KDM1B: variants seen among roughly 807,000 people sequenced by gnomAD.
The protein encoded by KDM1B is lysine demethylase 1B.
Under a neutral mutation model 107.4 loss-of-function variants are expected in KDM1B, and 63 were observed. The ratio of observed to expected loss-of-function variants is 0.59; its 90% confidence interval spans 0.48 to 0.72. The LOEUF is 0.72. Ranked by LOEUF, KDM1B falls within the 30% of genes least tolerant of loss-of-function variation. The probability of loss-of-function intolerance (pLI) is 0.00; values close to 1 mark genes in which losing one functional copy is unlikely to be tolerated. For missense variants in KDM1B, 749 were observed against 1,020.8 expected (o/e 0.73, Z 3.63); for synonymous variants, 363 against 363.9 (o/e 1.00, Z 0.03).
rs1025937244 is a variant in KDM1B, at chr6:18,213,958, T to A, written c.2109+177T>A. 6.6e-6 allele frequency among the ~76,000 whole-genome samples: 1 copy of A among 152,140 alleles called. No individual in the cohort carries two copies. Among genetic ancestry groups the A allele is most frequent in the Admixed American group, 6.6e-5 (1 of 15,266 alleles). On this transcript the variant is annotated intron_variant, in intron 19 of 21. Coordinates refer to ENST00000650836, the MANE Select transcript of KDM1B (RefSeq NM_001364614.2). The surrounding 1 kb of genome is among the most constrained non-coding windows in gnomAD (Gnocchi z 5.9). ...TTTTCCTATAGGAAAGGAGCCCCAG[T>A]ATTTGCCATGTCTTCTTAAAGTCCT...
rs112315981 is a variant in KDM1B at position 18,204,838 on chromosome 6, G to A, written c.1532-699G>A. On this transcript the variant is annotated intron_variant, in intron 14 of 21. Coordinates refer to ENST00000650836, the MANE Select transcript of KDM1B (RefSeq NM_001364614.2). This position sits in a 1 kb window ranked among gnomAD's most constrained non-coding sequence, Gnocchi z 4.9. ...GCATTCCCATGAGGGAGAGTGGGAG[G>A]TCGCAGACCCTGCAGGGTAGGAATT... is the stretch of plus-strand genomic sequence containing the variant. Among the ~76,000 whole-genome samples, 39 of 152,322 alleles carry A rather than the reference G, an allele frequency of 2.6e-4. No homozygotes were observed. Among genetic ancestry groups the A allele is most frequent in the African/African-American group, 8.4e-4 (35 of 41,586 alleles).
intron 7 of KDM1B, among the ~76,000 whole-genome samples, chr6:18,179,754 T>G (rs1319214249): frequency 1.3e-5 from 2 of 150,854 alleles, no homozygotes; most frequent in Non-Finnish European, 2.9e-5. Flanking sequence ...GATTTGAGAG[T>G]GAGGGAGGGG....
intron 7 of KDM1B, among the ~76,000 whole-genome samples, chr6:18,180,299 C>T (rs896855442): frequency 6.6e-6 from 1 of 152,002 alleles, no homozygotes; most frequent in African/African-American, 2.4e-5. Context: ...GGAACAATAT[C>T]TTGGTTGCAC....
chr6:18,213,867 A>G lies in KDM1B; in HGVS notation c.2109+86A>G. 7.0e-7 allele frequency: 1 copy of G among 1,426,022 alleles called. No homozygotes were observed. Among genetic ancestry groups the G allele is most frequent in the Non-Finnish European group, 9.8e-7 (1 of 1,017,410 alleles). The allele number at this position is 1,426,022 out of a possible 1,614,324, so 88.3% of individuals were successfully genotyped here. On this transcript the variant is annotated intron_variant, in intron 19 of 21. Coordinates refer to ENST00000650836, the MANE Select transcript of KDM1B (RefSeq NM_001364614.2). The surrounding 1 kb of genome is among the most constrained non-coding windows in gnomAD (Gnocchi z 5.9). ...TAATTACTCACCTATCAAGCTCAGG[A>G]ACTAACGAACATCATGGAGACCCTG...
intron 6 of KDM1B, 131 bp from the exon 7 acceptor site, chr6:18,171,232 G>T (rs1225208221): frequency 2.9e-6 from 2 of 684,512 alleles, no homozygotes; most frequent in Non-Finnish European, 5.4e-6. Context: ...TATGGATGAT[G>T]GTAATGCAAG....
rs778724321 is a variant in KDM1B, at chr6:18,221,904, T to C, written c.2386-5T>C. 5 of 1,595,218 alleles carry C rather than the reference T, an allele frequency of 3.1e-6. No individual in the cohort carries two copies. The highest frequency in any genetic ancestry group is 3.5e-5 in the Admixed American group (2 of 57,358). On this transcript the variant is annotated splice_region_variant and splice_polypyrimidine_tract_variant and intron_variant, in intron 21 of 21. Transcript: ENST00000650836. ...GATCTCAAATTATGTAATTATGTTT[T>C]ACAGGCAACAAACAGGCATTTCCCA...
At chr6:18,218,585 T>G (rs1789425604) in intron 21 of KDM1B, among the ~76,000 whole-genome samples, 2 of 152,238 alleles carry the variant, frequency 1.3e-5, no homozygotes. Context: ...GTAAATGTCA[T>G]TTACTGCTGA....
chr6:18,209,145 A>G lies in KDM1B; in HGVS notation c.1866+939A>G, dbSNP rs1384260594. The stretch of plus-strand genomic sequence containing the variant: ...GCTTAAATTTTTTGTAAACAGCTTT[A>G]TAGTAGGTGAACAGTACAAGGTACT... On this transcript the variant is annotated intron_variant, in intron 17 of 21. Coordinates refer to ENST00000650836, the MANE Select transcript of KDM1B (RefSeq NM_001364614.2). This position sits in a 1 kb window ranked among gnomAD's most constrained non-coding sequence, Gnocchi z 4.3. Among the ~76,000 whole-genome samples, 1 of 152,170 alleles carries G rather than the reference A, an allele frequency of 6.6e-6. No individual in the cohort carries two copies. The highest frequency in any genetic ancestry group is 2.4e-5 in the African/African-American group (1 of 41,444).
intron 7 of KDM1B, among the ~76,000 whole-genome samples, chr6:18,175,841 A>G (rs1387488707): frequency 3.9e-5 from 6 of 152,262 alleles, no homozygotes; most frequent in Middle Eastern, 3.4e-3. Context: ...CTATTTTTAT[A>G]CCAGTACCAT....
At position 18,208,599 on chromosome 6, in the gene KDM1B, GTATGTATATA is replaced by G. The variant is rs1453388025; in HGVS notation, c.1866+397_1866+406del. Among the ~76,000 whole-genome samples, 2 of 40,692 alleles carry G rather than the reference GTATGTATATA, an allele frequency of 4.9e-5. 1 individual carries two copies. The highest frequency in any genetic ancestry group is 8.5e-5 in the Non-Finnish European group (2 of 23,536). 26.7% of individuals were successfully genotyped at this position (40,692 alleles called of 152,430 possible). A position where few individuals can be genotyped will look rare whatever the true frequency, so the allele number is the denominator to read the frequency against. The stretch of plus-strand genomic sequence containing the variant: ...TGTATAGGGTTAAATAGAAGTATGT[GTATGTATATA>G]TATATATATATATATATATTTTTTT... On this transcript the variant is annotated intron_variant, in intron 17 of 21. Transcript: ENST00000650836.
At chr6:18,192,783 T>TG (rs939599041) in intron 10 of KDM1B, among the ~76,000 whole-genome samples, 1 of 151,892 alleles carries the variant, frequency 6.6e-6, no homozygotes, top group African/African-American at 2.4e-5. Context: ...ATTCATTTTT[T>TG]TTTTTGGTCA....
intron 21 of KDM1B, among the ~76,000 whole-genome samples, chr6:18,221,091 C>T (rs532766817): frequency 1.3e-5 from 2 of 152,070 alleles, no homozygotes; most frequent in South Asian, 2.1e-4. Flanking sequence ...CCACTTTCTC[C>T]CCCCACTAGT....
rs1449242707 is a variant in KDM1B at position 18,171,442 on chromosome 6, C to T, written c.497C>T (p.Thr166Ile). ...CAGCTTACTCCACAGATAGCCAAGA[C>T]TTATCGATGCGGTATGAAACCAAAT... ...EIQLTPQIAK[T>I]YRCGMKPNTA... Residue 166 changes from threonine to isoleucine, a missense_variant, in exon 7 of 22, where the codon ACT becomes ATT. Physicochemically the swap from Thr to Ile is moderately conservative, Grantham distance 89 (BLOSUM62 -1). Transcript: ENST00000650836. 1 of 1,612,520 alleles carries T rather than the reference C, an allele frequency of 6.2e-7. No individual in the cohort carries two copies. The highest frequency in any genetic ancestry group is 1.7e-5 in the Admixed American group (1 of 60,016).
chr6:18,211,564 CAAG>C lies in KDM1B; in HGVS notation c.1867-920_1867-918del, dbSNP rs1392988521. 6.6e-6 allele frequency: 1 copy of C among 152,258 alleles called. No homozygotes were observed. The highest frequency in any genetic ancestry group is 1.5e-5 in the Non-Finnish European group (1 of 68,058). The allele number at this position is 152,258 out of a possible 1,614,324, so 9.4% of individuals were successfully genotyped here. ...CAGGGTTTAGTCAGTAACCACAAGT[CAAG>C]AAGGAGGCCGTAAGGCATGCATGTT... On this transcript the variant is annotated intron_variant, in intron 17 of 21. Coordinates refer to ENST00000650836, the MANE Select transcript of KDM1B (RefSeq NM_001364614.2). This position sits in a 1 kb window ranked among gnomAD's most constrained non-coding sequence, Gnocchi z 5.2.
Position 18,197,003 on chromosome 6 carries a change from T to A in KDM1B, c.970-54T>A. On this transcript the variant is annotated intron_variant, in intron 10 of 21. Transcript: ENST00000650836. The surrounding 1 kb of genome is among the most constrained non-coding windows in gnomAD (Gnocchi z 4.5). ...AATGGATTGTTTTCCTGCTATTGTT[T>A]GAATTTCTTGGGACTTTTTTAAAAA... 6.8e-7 allele frequency: 1 copy of A among 1,479,214 alleles called. No individual in the cohort carries two copies. Among genetic ancestry groups the A allele is most frequent in the Non-Finnish European group, 9.3e-7 (1 of 1,073,764 alleles). The allele number at this position is 1,479,214 out of a possible 1,614,324, so 91.6% of individuals were successfully genotyped here. A position where few individuals can be genotyped will look rare whatever the true frequency, so the allele number is the denominator to read the frequency against.
rs192929939 is a variant in KDM1B at position 18,221,678 on chromosome 6, A to G, written c.2386-231A>G. ...CTAGTACCTATCACATATACTTAGT[A>G]TTTTAAAGAGTGCTGCGTAGTACTT... On this transcript the variant is annotated intron_variant, in intron 21 of 21. Coordinates refer to ENST00000650836, the MANE Select transcript of KDM1B (RefSeq NM_001364614.2). Among the ~76,000 whole-genome samples, 247 of 152,316 alleles carry G rather than the reference A, an allele frequency of 1.6e-3. 1 individual carries two copies. The highest frequency in any genetic ancestry group is 5.8e-3 in the African/African-American group (240 of 41,560).
At chr6:18,161,271 C>T in intron 3 of KDM1B, 56 bp from the exon 4 acceptor site, 1 of 1,562,260 alleles carries the variant, frequency 6.4e-7, no homozygotes, top group Non-Finnish European at 8.8e-7. Flanking sequence ...GAACCTTCAT[C>T]CTTAGTCATT....
In KDM1B at chr6:18,208,127, A is replaced by G; in HGVS notation, c.1792-5A>G. ...CACTTTTTTTCATAATTGCTTTTTG[A>G]GCAGGTGCAGTGTATTGATTATTCT... is the stretch of plus-strand genomic sequence containing the variant. On this transcript the variant is annotated splice_region_variant and splice_polypyrimidine_tract_variant and intron_variant, in intron 16 of 21. Transcript: ENST00000650836. 6.2e-7 allele frequency: 1 copy of G among 1,610,816 alleles called. No individual in the cohort carries two copies.
chr6:18,193,306 T>C (rs982936840), intron 10 of KDM1B, among the ~76,000 whole-genome samples: 3 of 144,202 alleles, frequency 2.1e-5, no homozygotes, highest in Non-Finnish European at 4.6e-5. Flanking sequence ...TTCTTTTTTT[T>C]TTTTTTTTTT....
Sources: allele counts gnomAD v4.1 joint callset (sites outside exome capture counted in the v4.1 genomes callset), GRCh38; gene constraint gnomAD v4.1.1; non-coding constraint Gnocchi (gnomAD v3.1); transcripts MANE v1.5; gene names NCBI Gene and HGNC (gene_info 2026-07-23, HGNC 2026-07-21).